The following RCOR1 variants were observed in gnomAD, a reference collection of about 807,000 sequenced individuals.
RCOR1 encodes the protein REST corepressor 1.
In RCOR1, 12 loss-of-function variants were observed where a neutral mutation model predicts 64.0. That is an observed-to-expected ratio of 0.19 (90% CI 0.12 to 0.30). The LOEUF is 0.30. RCOR1 is among the 10% of genes least tolerant of loss of function. The pLI, the probability that RCOR1 is intolerant of heterozygous loss-of-function variation, is 1.00. For synonymous variants in RCOR1, 279 were observed against 227.2 expected (o/e 1.23, Z -2.05); for missense variants, 502 against 621.2 (o/e 0.81, Z 2.04).
At chr14:102,649,556 G>A (rs993681693) in intron 2 of RCOR1, among the ~76,000 whole-genome samples, 12 of 152,218 alleles carry the variant, frequency 7.9e-5, no homozygotes, top group African/African-American at 2.4e-4. Flanking sequence ...CAAGTGATGT[G>A]AAGTAGACAA....
Position 102,671,104 on chromosome 14 carries a change from C to T in RCOR1, c.362-10791C>T, listed in dbSNP as rs75243991. ...TTATAATTATTGATAGCAAGAAAAGCATATTCACCATTTGTTTCAGTTCTC... is the reference window on the plus strand; with the variant it reads ...TTATAATTATTGATAGCAAGAAAAGTATATTCACCATTTGTTTCAGTTCTC... On this transcript the variant is annotated intron_variant, in intron 2 of 11. Coordinates refer to ENST00000262241, the MANE Select transcript of RCOR1 (RefSeq NM_015156.4). 2.8e-4 allele frequency among the ~76,000 whole-genome samples: 42 copies of T among 152,300 alleles called. No homozygotes were observed. The East Asian group carries it at 8.1e-3, about 29-fold the overall frequency.
At chr14:102,633,193 A>G (rs1037612549) in intron 2 of RCOR1, among the ~76,000 whole-genome samples, 2 of 152,080 alleles carry the variant, frequency 1.3e-5, no homozygotes, top group African/African-American at 4.8e-5. Context: ...AGATCATTTT[A>G]AAGGTCTCAT....
intron 2 of RCOR1, among the ~76,000 whole-genome samples, chr14:102,645,580 C>T (rs189354373): frequency 2.6e-5 from 4 of 152,270 alleles, no homozygotes; most frequent in African/African-American, 7.2e-5. Context: ...TCTTAAAGGC[C>T]TTGCAATTTC....
In RCOR1 at chr14:102,636,000, T is replaced by C. The variant is rs367910429; in HGVS notation, c.361+42675T>C. On this transcript the variant is annotated intron_variant, in intron 2 of 11. Transcript: ENST00000262241. Reference sequence around the variant, plus strand: ...CTCTGTCGCCCAGGCTGGAGTGTAGTGTCACCACTGCAACCTCCGCCTCCC... The same window carrying C: ...CTCTGTCGCCCAGGCTGGAGTGTAGCGTCACCACTGCAACCTCCGCCTCCC... Among the ~76,000 whole-genome samples, 172 of 151,854 alleles carry C rather than the reference T, an allele frequency of 1.1e-3. 1 individual carries two copies. Among genetic ancestry groups the C allele is most frequent in the Middle Eastern group, 0.01 (3 of 294 alleles).
chr14:102,678,283 A>G (rs536749975), intron 2 of RCOR1, among the ~76,000 whole-genome samples: 1 of 151,988 alleles, frequency 6.6e-6, no homozygotes, highest in Non-Finnish European at 1.5e-5. Context: ...AACGCTGCCT[A>G]TGTGTGCAGG....
chr14:102,619,222 A>G (rs1227459820), intron 2 of RCOR1, among the ~76,000 whole-genome samples: 1 of 152,050 alleles, frequency 6.6e-6, no homozygotes, highest in Non-Finnish European at 1.5e-5. Context: ...CCCAGGTTCA[A>G]GTGATTCTCC....
At chr14:102,718,428 G>GA (rs1896110280) in intron 8 of RCOR1, among the ~76,000 whole-genome samples, 1 of 152,198 alleles carries the variant, frequency 6.6e-6, no homozygotes. Context: ...CTACCAGCGA[G>GA]AAGGGGGCTG....
At chr14:102,667,962 A>G (rs1255055117) in intron 2 of RCOR1, among the ~76,000 whole-genome samples, 1 of 152,182 alleles carries the variant, frequency 6.6e-6, no homozygotes, top group African/African-American at 2.4e-5. Context: ...CTGTCTTGAG[A>G]TAAAGATTTA....
intron 3 of RCOR1, among the ~76,000 whole-genome samples, chr14:102,697,019 A>G (rs1895665599): frequency 6.6e-6 from 1 of 152,042 alleles, no homozygotes; most frequent in Admixed American, 6.6e-5. Flanking sequence ...AGCATCAGGG[A>G]TTCTGAAAAG....
chr14:102,709,129 G>A (rs886540599), intron 6 of RCOR1, among the ~76,000 whole-genome samples: 4 of 152,120 alleles, frequency 2.6e-5, no homozygotes, highest in African/African-American at 7.2e-5. Context: ...AAATGGCCAG[G>A]TACTCACACT....
chr14:102,672,911 T>C (rs1895057982), intron 2 of RCOR1, among the ~76,000 whole-genome samples: 1 of 152,208 alleles, frequency 6.6e-6, no homozygotes, highest in Non-Finnish European at 1.5e-5. Flanking sequence ...GAAAATATAC[T>C]AGAAGAGTAT....
intron 4 of RCOR1, among the ~76,000 whole-genome samples, chr14:102,702,152 T>C (rs1161488614): frequency 6.6e-6 from 1 of 152,220 alleles, no homozygotes; most frequent in African/African-American, 2.4e-5. Context: ...ACATTTCTTA[T>C]TTTTCTGAAT....
chr14:102,678,693 G>T (rs1240593521), intron 2 of RCOR1, among the ~76,000 whole-genome samples: 1 of 152,138 alleles, frequency 6.6e-6, no homozygotes, highest in Non-Finnish European at 1.5e-5. Context: ...TTATGTCTTT[G>T]TAAAAAACTG....
Position 102,616,010 on chromosome 14 carries a change from A to C in RCOR1, c.361+22685A>C, listed in dbSNP as rs1893751864. 2.0e-5 allele frequency among the ~76,000 whole-genome samples: 3 copies of C among 152,158 alleles called. No homozygotes were observed. The South Asian group carries it at 6.2e-4, about 32-fold the overall frequency. Reference sequence around the variant, plus strand: ...GCTTAGAGATGGATGGTGACACATCACACAGGTTGAGGACTCAGTCCTATC... The same window carrying C: ...GCTTAGAGATGGATGGTGACACATCCCACAGGTTGAGGACTCAGTCCTATC... On this transcript the variant is annotated intron_variant, in intron 2 of 11. Transcript: ENST00000262241.
chr14:102,689,632 C>A (rs921411526), intron 3 of RCOR1, among the ~76,000 whole-genome samples: 1 of 152,108 alleles, frequency 6.6e-6, no homozygotes, highest in African/African-American at 2.4e-5. Context: ...TAAGTGTTTG[C>A]ATTTTGGGTT....
At chr14:102,722,141 A>G (rs1163279422) in intron 10 of RCOR1, 46 bp from the exon 11 acceptor site, 4 of 1,482,240 alleles carry the variant, frequency 2.7e-6, no homozygotes, top group Non-Finnish European at 2.8e-6. Flanking sequence ...GTTTTAAAAA[A>G]ATGTTTTTCT....
intron 2 of RCOR1, among the ~76,000 whole-genome samples, chr14:102,610,890 C>T (rs1258269828): frequency 1.3e-5 from 2 of 151,932 alleles, no homozygotes; most frequent in Admixed American, 6.6e-5. Flanking sequence ...ATAATTCAGA[C>T]GTTTTGCCTC....
At chr14:102,655,233 AGGCATTCCT>A in intron 2 of RCOR1, 1 of 982,616 alleles carries the variant, frequency 1.0e-6, no homozygotes, top group Non-Finnish European at 1.2e-6. Context: ...TACATTTCTT[AGGCATTCCT>A]GGCCTTCCAT....
intron 3 of RCOR1, among the ~76,000 whole-genome samples, chr14:102,687,964 CTTTTT>C (rs10712788): frequency 2.2e-5 from 3 of 135,668 alleles, no homozygotes; most frequent in African/African-American, 5.4e-5. Flanking sequence ...ATAGCATTTC[CTTTTT>C]TTTTTTTTTT....
Sources: allele counts gnomAD v4.1 joint callset (sites outside exome capture counted in the v4.1 genomes callset), GRCh38; gene constraint gnomAD v4.1.1; transcripts MANE v1.5; gene names NCBI Gene and HGNC (gene_info 2026-07-23, HGNC 2026-07-21).